Variants in MYH15 observed in about 807,000 individuals in gnomAD.
The protein encoded by MYH15 is myosin heavy chain 15, also known as myosin-15.
A neutral mutation model predicts 240.5 loss-of-function variants in MYH15; 227 were observed. The ratio of observed to expected loss-of-function variants is 0.94; its 90% confidence interval spans 0.85 to 1.05. The LOEUF (loss-of-function observed/expected upper bound fraction) is 1.05. Among genes scored for constraint, MYH15 ranks in the 50% least tolerant of loss-of-function variants. MYH15 has a pLI of 0.00. For synonymous variants in MYH15, 785 were observed against 796.7 expected (o/e 0.99, Z 0.25); for missense variants, 2,217 against 2,247.5 (o/e 0.99, Z 0.27).
At chr3:108,402,664 C>T (rs545028415) in intron 33 of MYH15, among the ~76,000 whole-genome samples, 1 of 152,196 alleles carries the variant, frequency 6.6e-6, no homozygotes, top group Non-Finnish European at 1.5e-5. Flanking sequence ...GCCTCATTCC[C>T]AAAAACACCT....
chr3:108,530,450 A>G (rs1373168192), upstream of MYH15, among the ~76,000 whole-genome samples: 1 of 152,210 alleles, frequency 6.6e-6, no homozygotes, highest in Non-Finnish European at 1.5e-5. Context: ...AGAGATAAAT[A>G]GGTGGAGCAT....
chr3:108,547,048 T>C, the MYH15 span, among the ~76,000 whole-genome samples: 1 of 151,806 alleles, frequency 6.6e-6, no homozygotes, highest in Admixed American at 6.6e-5. Context: ...ACATAAAAAA[T>C]CAATGAAACA....
At chr3:108,537,765 T>C in the MYH15 span, among the ~76,000 whole-genome samples, 3 of 152,118 alleles carry the variant, frequency 2.0e-5, no homozygotes, top group Admixed American at 6.5e-5. Context: ...TAACCACTAT[T>C]AATATAGCTT....
chr3:108,440,514 CCA>C lies in MYH15; in HGVS notation c.2898+502_2898+503del, dbSNP rs558746960. 4.4e-3 allele frequency among the ~76,000 whole-genome samples: 666 copies of C among 152,180 alleles called. 6 individuals carry two copies. The highest frequency in any genetic ancestry group is 0.015 in the African/African-American group (628 of 41,530). ...ATGCGGACTCCTCACTGTCCTCAAT[CCA>C]CACACAGATGCGCAAGTTAAAACCC... is the stretch of plus-strand genomic sequence containing the variant. On this transcript the variant is annotated intron_variant, in intron 23 of 40. Transcript: ENST00000693548.
intron 25 of MYH15, among the ~76,000 whole-genome samples, chr3:108,435,084 T>C (rs1158889372): frequency 6.6e-6 from 1 of 152,232 alleles, no homozygotes; most frequent in Admixed American, 6.5e-5. Flanking sequence ...GTTATAGATT[T>C]TCCTTGGATT....
chr3:108,505,665 A>G (rs751333176), intron 2 of MYH15, 58 bp downstream of exon 2: 8 of 930,686 alleles, frequency 8.6e-6, no homozygotes, highest in East Asian at 2.7e-5. Flanking sequence ...GAAATAATAT[A>G]TTTAGTTATT....
chr3:108,539,660 A>G, the MYH15 span, among the ~76,000 whole-genome samples: 1 of 152,210 alleles, frequency 6.6e-6, no homozygotes, highest in South Asian at 2.1e-4. Context: ...AAAGCTTATC[A>G]GTATACTTAT....
chr3:108,457,828 G>A (rs1250784540), intron 18 of MYH15, among the ~76,000 whole-genome samples: 1 of 152,154 alleles, frequency 6.6e-6, no homozygotes, highest in East Asian at 1.9e-4. Flanking sequence ...GAGGCCAGGA[G>A]TTCGAGACCA....
rs2082773639 is a variant in MYH15 at position 108,430,919 on chromosome 3, T to A, written c.3225A>T (p.Lys1075Asn). 4.4e-6 allele frequency: 7 copies of A among 1,602,270 alleles called. No homozygotes were observed. Among genetic ancestry groups the A allele is most frequent in the Non-Finnish European group, 3.4e-6 (4 of 1,171,432 alleles). ...QRHLAEELRK[K>N]ELELSQMNSK... is the part of the protein sequence containing the mutation. The stretch of plus-strand genomic sequence containing the variant: ...AATTCATCTGACTCAATTCTAATTC[T>A]TTTCTGTTTAGAAAAAGATATCAAA... The change falls in exon 26 of 41, where the codon AAA becomes AAT. Residue 1075 changes from lysine to asparagine, a missense_variant. Physicochemically the swap from Lys to Asn is moderately conservative, Grantham distance 94 (BLOSUM62 0). Transcript: ENST00000693548.
At chr3:108,459,761 T>C (rs1576246671) in intron 17 of MYH15, among the ~76,000 whole-genome samples, 1 of 152,314 alleles carries the variant, frequency 6.6e-6, no homozygotes, top group Non-Finnish European at 1.5e-5. Context: ...TCTCAAGTTC[T>C]CTCTCTGTGG....
intron 32 of MYH15, among the ~76,000 whole-genome samples, chr3:108,407,378 T>TCACTGTAA (rs1347503144): frequency 1.3e-5 from 2 of 152,184 alleles, no homozygotes; most frequent in Non-Finnish European, 2.9e-5. Flanking sequence ...GGCTGTATTT[T>TCACTGTAA]AATGTGTCTG....
intron 27 of MYH15, among the ~76,000 whole-genome samples, chr3:108,427,625 C>G (rs1425332888): frequency 3.6e-5 from 4 of 110,146 alleles, no homozygotes; most frequent in African/African-American, 9.9e-5. Flanking sequence ...ACAACACACA[C>G]ACACACACAC....
At chr3:108,392,287 C>A (rs958628731) in intron 36 of MYH15, among the ~76,000 whole-genome samples, 1 of 152,134 alleles carries the variant, frequency 6.6e-6, no homozygotes, top group African/African-American at 2.4e-5. Flanking sequence ...ATAAAGTAAC[C>A]GGTGTCACAT....
At chr3:108,461,037 C>T (rs1217179623) in intron 16 of MYH15, among the ~76,000 whole-genome samples, 1 of 151,976 alleles carries the variant, frequency 6.6e-6, no homozygotes, top group Non-Finnish European at 1.5e-5. Context: ...TTTCCATTTT[C>T]TTGAAGAAAA....
intron 14 of MYH15, among the ~76,000 whole-genome samples, chr3:108,466,376 G>T (rs2083117746): frequency 6.6e-6 from 1 of 152,032 alleles, no homozygotes; most frequent in Admixed American, 6.6e-5. Flanking sequence ...ATTTCCTGAA[G>T]GCAAAAACTA....
chr3:108,425,500 G>C lies in MYH15; in HGVS notation c.3702+2992C>G, dbSNP rs114606324. 5.3e-3 allele frequency among the ~76,000 whole-genome samples: 813 copies of C among 152,256 alleles called. 2 individuals are homozygous for C. The highest frequency in any genetic ancestry group is 7.6e-3 in the Non-Finnish European group (520 of 68,032). On this transcript the variant is annotated intron_variant, in intron 27 of 40. Transcript: ENST00000693548. The stretch of plus-strand genomic sequence containing the variant: ...TTAAAAAGTAGACAGACCTACATGG[G>C]AATGGGAATGGAAAACTATGAGATG...
upstream of MYH15, among the ~76,000 whole-genome samples, chr3:108,515,372 A>G (rs1482669397): frequency 1.3e-5 from 2 of 152,188 alleles, no homozygotes; most frequent in African/African-American, 4.8e-5. Flanking sequence ...GATGAGGAGA[A>G]GCAGCAATAA....
chr3:108,468,089 C>T (rs2083136784), intron 14 of MYH15, among the ~76,000 whole-genome samples: 1 of 152,072 alleles, frequency 6.6e-6, no homozygotes, highest in African/African-American at 2.4e-5. Flanking sequence ...CCTCAGCCTC[C>T]CTAGTAGCTG....
the MYH15 span, among the ~76,000 whole-genome samples, chr3:108,549,545 G>A: frequency 6.6e-6 from 1 of 151,970 alleles, no homozygotes; most frequent in East Asian, 1.9e-4. Flanking sequence ...TTAAGAAAAG[G>A]CAAATTGAGT....
Sources: allele counts gnomAD v4.1 joint callset (sites outside exome capture counted in the v4.1 genomes callset), GRCh38; gene constraint gnomAD v4.1.1; transcripts MANE v1.5; gene names NCBI Gene and HGNC (gene_info 2026-07-23, HGNC 2026-07-21).